The following IGF2BP3 variants were observed in gnomAD, a reference collection of about 807,000 sequenced individuals.
The protein encoded by IGF2BP3 is insulin like growth factor 2 mRNA binding protein 3.
In IGF2BP3, 9 loss-of-function variants were observed where a neutral mutation model predicts 73.8. The ratio of observed to expected loss-of-function variants is 0.12; its 90% CI spans 0.07 to 0.21. IGF2BP3 has a LOEUF of 0.21. IGF2BP3 is among the 10% of genes least tolerant of loss of function. The probability of loss-of-function intolerance (pLI) is 1.00; values close to 1 mark genes in which losing one functional copy is unlikely to be tolerated. For missense variants in IGF2BP3, 542 were observed against 714.0 expected (o/e 0.76, Z 2.75); for synonymous variants, 258 against 256.7 (o/e 1.01, Z -0.05).
In IGF2BP3 at chr7:23,374,145, A is replaced by G. The variant is rs1410406839; in HGVS notation, c.286-12404T>C. Among the ~76,000 whole-genome samples, 4 of 152,230 alleles carry G rather than the reference A, an allele frequency of 2.6e-5. No homozygotes were observed. The East Asian group carries it at 7.7e-4, about 29-fold the overall frequency. On this transcript the variant is annotated intron_variant, in intron 3 of 14. Coordinates refer to ENST00000258729, the MANE Select transcript of IGF2BP3 (RefSeq NM_006547.3). ...GTATACGTCCAAAAGAACTGAACAC[A>G]GGGACTCAAAGAAGTACTTCTACAC...
intron 3 of IGF2BP3, among the ~76,000 whole-genome samples, chr7:23,395,715 C>T (rs1250717680): frequency 6.6e-6 from 1 of 151,980 alleles, no homozygotes; most frequent in African/African-American, 2.4e-5. Flanking sequence ...CACTTGAGGT[C>T]AGGAGTTCGT....
At chr7:23,358,560 T>C (rs964261478) in intron 5 of IGF2BP3, among the ~76,000 whole-genome samples, 1 of 152,192 alleles carries the variant, frequency 6.6e-6, no homozygotes, top group Admixed American at 6.5e-5. Context: ...TGCACAAATA[T>C]TTGTTTCTCT....
rs74798591 is a variant in IGF2BP3 at position 23,396,705 on chromosome 7, GA to G, written c.285+22070del. On this transcript the variant is annotated intron_variant, in intron 3 of 14. Coordinates refer to ENST00000258729, the MANE Select transcript of IGF2BP3 (RefSeq NM_006547.3). ...AGAACAAAATAAGACTGTTGGGGGG[GA>G]AAAAAAAGAGCAAATGGATTCTTGG... 2.7e-3 allele frequency among the ~76,000 whole-genome samples: 416 copies of G among 151,890 alleles called. 6 individuals are homozygous for G. The South Asian group carries it at 0.028, about 10-fold the overall frequency.
chr7:23,398,433 T>C (rs556809439), intron 3 of IGF2BP3, among the ~76,000 whole-genome samples: 4 of 152,300 alleles, frequency 2.6e-5, no homozygotes, highest in Middle Eastern at 3.4e-3. Flanking sequence ...TACCCAGTAA[T>C]GGGATGGCTG....
intron 2 of IGF2BP3, among the ~76,000 whole-genome samples, chr7:23,426,892 T>C (rs1177854420): frequency 2.0e-5 from 3 of 152,238 alleles, no homozygotes; most frequent in Non-Finnish European, 4.4e-5. Context: ...CTGTGTTTTT[T>C]AGCCAGAGTT....
At chr7:23,374,113 T>C (rs1265497072) in intron 3 of IGF2BP3, among the ~76,000 whole-genome samples, 1 of 152,166 alleles carries the variant, frequency 6.6e-6, no homozygotes, top group Non-Finnish European at 1.5e-5. Context: ...ACAAATGCAC[T>C]AACCGAGTAT....
intron 10 of IGF2BP3, among the ~76,000 whole-genome samples, chr7:23,330,991 G>T (rs913945736): frequency 1.3e-5 from 2 of 150,932 alleles, no homozygotes; most frequent in South Asian, 2.1e-4. Flanking sequence ...TAGAGATGGG[G>T]TTTTACCATG....
At chr7:23,382,894 C>CAAAAAAAAAAAAA (rs57466793) in intron 3 of IGF2BP3, among the ~76,000 whole-genome samples, 2 of 49,110 alleles carry the variant, frequency 4.1e-5, no homozygotes, top group Non-Finnish European at 6.7e-5. Flanking sequence ...CTAGCTCTAC[C>CAAAAAAAAAAAAA]AAAAAAAAAA....
intron 3 of IGF2BP3, among the ~76,000 whole-genome samples, chr7:23,410,199 GA>G (rs897993322): frequency 2.7e-5 from 4 of 150,008 alleles, no homozygotes; most frequent in African/African-American, 4.9e-5. Flanking sequence ...AGATACAAAA[GA>G]AAAAAAAATA....
intron 10 of IGF2BP3, among the ~76,000 whole-genome samples, chr7:23,326,185 T>C (rs1169783715): frequency 6.6e-6 from 1 of 152,000 alleles, no homozygotes; most frequent in Admixed American, 6.6e-5. Context: ...AGGGTTAATA[T>C]CCAGAATCTA....
At chr7:23,426,803 C>T (rs1052468578) in intron 2 of IGF2BP3, among the ~76,000 whole-genome samples, 8 of 152,160 alleles carry the variant, frequency 5.3e-5, no homozygotes, top group Non-Finnish European at 1.2e-4. Context: ...ATGATGTTGG[C>T]AGCTACTAGT....
At chr7:23,437,153 C>A (rs58927741) in intron 2 of IGF2BP3, among the ~76,000 whole-genome samples, 18,583 of 151,770 alleles carry the variant, frequency 0.12, 1,198 homozygotes, top group Middle Eastern at 0.15. Flanking sequence ...ATATAGGATA[C>A]TTTTTAAACT....
At chr7:23,339,867 CAT>C in intron 10 of IGF2BP3, among the ~76,000 whole-genome samples, 1 of 152,296 alleles carries the variant, frequency 6.6e-6, no homozygotes, top group East Asian at 1.9e-4. Context: ...ATGACACACA[CAT>C]AAACTAGTGG....
rs186723753 is a variant in IGF2BP3, at chr7:23,338,799, T to C, written c.1203+3265A>G. ...TCCCCTTAAGGCAGGGAATAATTAA[T>C]GCTGAACTTTACAGATTGTCAATCA... On this transcript the variant is annotated intron_variant, in intron 10 of 14. Coordinates refer to ENST00000258729, the MANE Select transcript of IGF2BP3 (RefSeq NM_006547.3). 6.4e-4 allele frequency among the ~76,000 whole-genome samples: 97 copies of C among 152,348 alleles called. No homozygotes were observed. The East Asian group carries it at 0.017, about 26-fold the overall frequency.
At position 23,319,247 on chromosome 7, in the gene IGF2BP3, T is replaced by C. The variant is rs1301883958; in HGVS notation, c.1211A>G (p.Glu404Gly). 6.2e-7 allele frequency: 1 copy of C among 1,604,398 alleles called. No homozygotes were observed. Reference sequence around the variant, plus strand: ...GATAAACAGATGAACAGTCTCCGTTTCTGATTGCTGTTAGAAAAGAAAGCC... The same window carrying C: ...GATAAACAGATGAACAGTCTCCGTTCCTGATTGCTGTTAGAAAAGAAAGCC... ...TPPYPQFEQS[E>G]TETVHLFIPA... Residue 404 changes from glutamate to glycine, a missense_variant, in exon 11 of 15, where the codon GAA becomes GGA. Transcript: ENST00000258729.
intron 3 of IGF2BP3, among the ~76,000 whole-genome samples, chr7:23,380,981 G>A (rs1005134202): frequency 6.6e-6 from 1 of 152,156 alleles, no homozygotes; most frequent in South Asian, 2.1e-4. Context: ...TCCATAGTAA[G>A]CACCCACCTC....
At chr7:23,349,573 G>C (rs762797425) in intron 6 of IGF2BP3, among the ~76,000 whole-genome samples, 2 of 152,024 alleles carry the variant, frequency 1.3e-5, no homozygotes, top group East Asian at 3.8e-4. Context: ...ACTAAGCTCC[G>C]ATCCCCTGAG....
At chr7:23,407,828 G>C (rs978797902) in intron 3 of IGF2BP3, among the ~76,000 whole-genome samples, 2 of 151,652 alleles carry the variant, frequency 1.3e-5, no homozygotes, top group African/African-American at 4.9e-5. Flanking sequence ...CATGAGCAGA[G>C]ACACAGTAAG....
intron 3 of IGF2BP3, among the ~76,000 whole-genome samples, chr7:23,378,401 G>GTTTTTTTTTTTTTTTTTTTTTTT (rs373876363): frequency 3.9e-5 from 5 of 128,058 alleles, no homozygotes; most frequent in African/African-American, 1.9e-4. Context: ...TCTCTTCTTG[G>GTTTTTTTTTTTTTTTTTTTTTTT]TTTTTTTTTG....
Sources: allele counts gnomAD v4.1 joint callset (sites outside exome capture counted in the v4.1 genomes callset), GRCh38; gene constraint gnomAD v4.1.1; transcripts MANE v1.5; gene names NCBI Gene and HGNC (gene_info 2026-07-23, HGNC 2026-07-21).